IMMP2L: variants seen among roughly 807,000 people sequenced by gnomAD.
The protein encoded by IMMP2L is mitochondrial inner membrane protease subunit 2.
Under a neutral mutation model 19.3 loss-of-function variants are expected in IMMP2L, and 18 were observed. The observed-to-expected ratio is 0.93, with a 90% CI of 0.64 to 1.38. The LOEUF (loss-of-function observed/expected upper bound fraction) is 1.38. IMMP2L is among the 40% of genes most tolerant of loss of function. IMMP2L has a pLI of 0.00. For synonymous variants in IMMP2L, 76 were observed against 73.0 expected, an observed-to-expected ratio of 1.04 and a Z score of -0.21; for missense variants, 233 against 218.2, an observed-to-expected ratio of 1.07 and a Z score of -0.43.
chr7:111,235,901 G>A (rs985015035), intron 3 of IMMP2L, among the ~76,000 whole-genome samples: 1 of 151,548 alleles, frequency 6.6e-6, no homozygotes, highest in South Asian at 2.1e-4. Flanking sequence ...TTCATTTTGG[G>A]TAGTTTCTAT....
At chr7:111,030,859 T>C (rs1233463598) in intron 3 of IMMP2L, among the ~76,000 whole-genome samples, 1 of 73,422 alleles carries the variant, frequency 1.4e-5, no homozygotes, top group East Asian at 2.9e-4. Context: ...TATATACATA[T>C]GTGTGTGTAT....
intron 5 of IMMP2L, among the ~76,000 whole-genome samples, chr7:110,853,334 C>G (rs1359703543): frequency 1.3e-5 from 2 of 151,800 alleles, no homozygotes; most frequent in African/African-American, 4.8e-5. Context: ...GAAAAAAAAA[C>G]CTTAGCTTTT....
intron 3 of IMMP2L, among the ~76,000 whole-genome samples, chr7:111,341,161 T>C (rs1446191476): frequency 1.3e-5 from 2 of 152,192 alleles, no homozygotes; most frequent in Non-Finnish European, 2.9e-5. Context: ...AATTGGATTC[T>C]AGTAATAATT....
intron 3 of IMMP2L, among the ~76,000 whole-genome samples, chr7:111,266,441 G>A (rs1164788964): frequency 6.6e-6 from 1 of 151,628 alleles, no homozygotes; most frequent in Non-Finnish European, 1.5e-5. Context: ...TACTGGGGTG[G>A]CTGAGACAGG....
At chr7:111,495,470 T>G (rs1843506673) in intron 2 of IMMP2L, among the ~76,000 whole-genome samples, 1 of 152,146 alleles carries the variant, frequency 6.6e-6, no homozygotes, top group African/African-American at 2.4e-5. Flanking sequence ...AAGTTAGGCT[T>G]TAATCTTTTC....
At chr7:110,862,300 T>A (rs1174301961) in intron 5 of IMMP2L, among the ~76,000 whole-genome samples, 1 of 151,898 alleles carries the variant, frequency 6.6e-6, no homozygotes, top group Non-Finnish European at 1.5e-5. Flanking sequence ...GGATCCAGAA[T>A]GTCTTTAGAG....
At chr7:111,398,882 CAAAAAAA>C (rs756718840) in intron 3 of IMMP2L, among the ~76,000 whole-genome samples, 1 of 104,766 alleles carries the variant, frequency 9.5e-6, no homozygotes, top group Non-Finnish European at 2.1e-5. Context: ...ACAATAGCTG[CAAAAAAA>C]AAAAAAAAAT....
chr7:110,942,525 A>T (rs1016035133), intron 4 of IMMP2L, among the ~76,000 whole-genome samples: 1 of 151,928 alleles, frequency 6.6e-6, no homozygotes, highest in African/African-American at 2.4e-5. Flanking sequence ...CCCTTGAAAT[A>T]CTTAATCCTT....
At chr7:110,842,429 T>C (rs1487815998) in intron 5 of IMMP2L, among the ~76,000 whole-genome samples, 1 of 152,088 alleles carries the variant, frequency 6.6e-6, no homozygotes, top group African/African-American at 2.4e-5. Flanking sequence ...CAGAGGCAGA[T>C]TGCACCGTGG....
intron 3 of IMMP2L, among the ~76,000 whole-genome samples, chr7:111,130,334 T>C (rs1801727054): frequency 1.3e-5 from 2 of 152,120 alleles, no homozygotes; most frequent in South Asian, 2.1e-4. Context: ...CAAAAAGAAT[T>C]GTGGTTGACC....
chr7:111,265,704 G>C (rs982566633), intron 3 of IMMP2L, among the ~76,000 whole-genome samples: 7 of 152,146 alleles, frequency 4.6e-5, no homozygotes, highest in African/African-American at 1.4e-4. Context: ...AATTGCTCAA[G>C]ATTTCAGAGT....
intron 4 of IMMP2L, among the ~76,000 whole-genome samples, chr7:110,911,346 C>T (rs1348306709): frequency 6.6e-6 from 1 of 152,000 alleles, no homozygotes; most frequent in East Asian, 1.9e-4. Flanking sequence ...AATCAAAAGG[C>T]ATTAATTTAT....
intron 3 of IMMP2L, among the ~76,000 whole-genome samples, chr7:111,243,631 G>C (rs1406616145): frequency 1.7e-5 from 2 of 118,176 alleles, no homozygotes; most frequent in Non-Finnish European, 3.4e-5. Context: ...GTGTCATCTA[G>C]CATTAGGTAT....
At chr7:111,067,767 C>T (rs1450214223) in intron 3 of IMMP2L, among the ~76,000 whole-genome samples, 8 of 152,120 alleles carry the variant, frequency 5.3e-5, no homozygotes, top group East Asian at 1.9e-4. Context: ...GACATTCAAA[C>T]CCAAGTTTGT....
At position 111,149,260 on chromosome 7, in the gene IMMP2L, C is replaced by T. The variant is rs189588112; in HGVS notation, c.240-185695G>A. ...AAAAGAAAGAAGATGTGGTCTGAAACTGTTGAGTGACTCAAAAAGTGGATC... is the reference window on the plus strand; with the variant it reads ...AAAAGAAAGAAGATGTGGTCTGAAATTGTTGAGTGACTCAAAAAGTGGATC... On this transcript the variant is annotated intron_variant, in intron 3 of 5. Transcript: ENST00000405709. 3.3e-5 allele frequency among the ~76,000 whole-genome samples: 5 copies of T among 152,188 alleles called. No homozygotes were observed. In the East Asian group the frequency reaches 9.6e-4, roughly 29 times the overall value.
intron 3 of IMMP2L, among the ~76,000 whole-genome samples, chr7:111,032,004 C>G (rs1366999195): frequency 1.4e-5 from 2 of 142,654 alleles, no homozygotes; most frequent in Non-Finnish European, 3.0e-5. Flanking sequence ...AGTGGTGCGA[C>G]TTCAGCTCAC....
chr7:110,743,768 G>A (rs957981859), intron 5 of IMMP2L, among the ~76,000 whole-genome samples: 5 of 152,156 alleles, frequency 3.3e-5, no homozygotes, highest in Admixed American at 6.5e-5. Flanking sequence ...CTTTCCCCAC[G>A]GTGATTCCTT....
At chr7:110,959,710 T>C (rs149553603) in intron 4 of IMMP2L, among the ~76,000 whole-genome samples, 1 of 152,046 alleles carries the variant, frequency 6.6e-6, no homozygotes, top group East Asian at 1.9e-4. Context: ...CATTGCTACA[T>C]GATAGAGGTG....
At chr7:111,299,782 TA>T (rs1182705688) in intron 3 of IMMP2L, among the ~76,000 whole-genome samples, 5 of 152,074 alleles carry the variant, frequency 3.3e-5, no homozygotes. Flanking sequence ...CATGCAAAGA[TA>T]CTTGCATATG....
Sources: allele counts gnomAD v4.1 joint callset (sites outside exome capture counted in the v4.1 genomes callset), GRCh38; gene constraint gnomAD v4.1.1; transcripts MANE v1.5; gene names NCBI Gene and HGNC (gene_info 2026-07-23, HGNC 2026-07-21).